Variants in EVC2 observed in about 807,000 individuals in gnomAD.
EVC2 encodes limbin.
Under a neutral mutation model 149.3 loss-of-function variants are expected in EVC2, and 148 were observed. The ratio of observed to expected loss-of-function variants is 0.99; its 90% CI spans 0.87 to 1.14. The LOEUF is 1.14. EVC2 is among the 50% of genes most tolerant of loss of function. The probability of loss-of-function intolerance (pLI) is 0.00; values close to 1 mark genes in which losing one functional copy is unlikely to be tolerated. For missense variants in EVC2, 1,854 were observed against 1,627.3 expected (o/e 1.14, Z -2.40); for synonymous variants, 776 against 649.9 (o/e 1.19, Z -2.95).
At chr4:5,668,121 T>C (rs1009908397) in intron 7 of EVC2, among the ~76,000 whole-genome samples, 22 of 152,210 alleles carry the variant, frequency 1.4e-4, no homozygotes, top group Non-Finnish European at 3.1e-4. Flanking sequence ...TCAAAATGGC[T>C]CCAGACCATG....
chr4:5,672,279 C>T (rs930599760), intron 7 of EVC2, among the ~76,000 whole-genome samples: 1 of 152,172 alleles, frequency 6.6e-6, no homozygotes, highest in East Asian at 1.9e-4. Context: ...GGCCTGAAGC[C>T]GGCAAGAGAA....
intron 9 of EVC2, among the ~76,000 whole-genome samples, chr4:5,648,216 G>A (rs73198189): frequency 0.17 from 25,555 of 152,120 alleles, 2,178 homozygotes; most frequent in Non-Finnish European, 0.18. Flanking sequence ...ATAGATTATT[G>A]TAAATGATAG....
At chr4:5,648,444 G>A (rs774593072) in intron 9 of EVC2, among the ~76,000 whole-genome samples, 2 of 152,180 alleles carry the variant, frequency 1.3e-5, no homozygotes, top group Non-Finnish European at 2.9e-5. Context: ...AAAATGGCAG[G>A]TGCTGTACCA....
chr4:5,622,845 G>T lies in EVC2; in HGVS notation c.2193C>A (p.Ala731=). The T allele has an allele frequency of 6.2e-7, 1 of 1,614,066 alleles. No individual in the cohort carries two copies. Among genetic ancestry groups the T allele is most frequent in the Non-Finnish European group, 8.5e-7 (1 of 1,180,022 alleles). Reference sequence around the variant, plus strand: ...TCAGGGTCCTGAGATCGTCCAGGGCGGCCTGGTCCAGACGCTCCTGCAGCT... The same window carrying T: ...TCAGGGTCCTGAGATCGTCCAGGGCTGCCTGGTCCAGACGCTCCTGCAGCT... The part of the protein sequence containing the change: ...LEELQERLDQ[A]ALDDLRTLTL... The change falls in exon 14 of 22, where the codon GCC becomes GCA. Residue 731 remains alanine (A), a synonymous_variant. Transcript: ENST00000344408. This position sits in a 1 kb window ranked among gnomAD's most constrained non-coding sequence, Gnocchi z 5.8.
intron 9 of EVC2, among the ~76,000 whole-genome samples, chr4:5,660,165 G>A (rs1470963850): frequency 6.6e-5 from 10 of 152,146 alleles, no homozygotes; most frequent in Admixed American, 6.5e-4. Flanking sequence ...ATGGCATCTG[G>A]ATGGCTGCAC....
chr4:5,605,515 G>C (rs1001768578), intron 16 of EVC2, among the ~76,000 whole-genome samples: 11 of 152,222 alleles, frequency 7.2e-5, no homozygotes, highest in African/African-American at 2.7e-4. Context: ...AGATAAGATA[G>C]ATAGATAGAT....
At chr4:5,624,555 GT>G (rs1293294442) in intron 13 of EVC2, among the ~76,000 whole-genome samples, 1 of 152,230 alleles carries the variant, frequency 6.6e-6, no homozygotes, top group East Asian at 1.9e-4. Flanking sequence ...CACTTGTAAT[GT>G]TTATCAAAAG....
At chr4:5,612,206 T>G (rs565016188) in intron 16 of EVC2, among the ~76,000 whole-genome samples, 1 of 152,256 alleles carries the variant, frequency 6.6e-6, no homozygotes, top group African/African-American at 2.4e-5. Flanking sequence ...TTTATTTTAT[T>G]CTTATACAAG....
rs1722754925 is a variant in EVC2, at chr4:5,573,580, G to A, written c.3360+1105C>T. On this transcript the variant is annotated intron_variant, in intron 19 of 21. Coordinates refer to ENST00000344408, the MANE Select transcript of EVC2 (RefSeq NM_147127.5). Reference sequence around the variant, plus strand: ...ATTCTCCCCCTAAAGCTTCCGAAAGGCAGGCAAATCCGCCAACACCTTGAT... The same window carrying A: ...ATTCTCCCCCTAAAGCTTCCGAAAGACAGGCAAATCCGCCAACACCTTGAT... 3.3e-5 allele frequency among the ~76,000 whole-genome samples: 5 copies of A among 152,318 alleles called. No individual in the cohort carries two copies. The South Asian group carries it at 1.0e-3, about 32-fold the overall frequency.
chr4:5,545,051 T>C (rs1278966410), intron 21 of EVC2, among the ~76,000 whole-genome samples: 1 of 152,204 alleles, frequency 6.6e-6, no homozygotes, highest in Non-Finnish European at 1.5e-5. Context: ...AGGTGCAACG[T>C]TCTATTCTTC....
rs767072839 is a variant in EVC2 at position 5,663,228 on chromosome 4, T to A, written c.1024A>T (p.Lys342Ter). The A allele has an allele frequency of 1.2e-5, 20 of 1,614,048 alleles. No homozygotes were observed. Among genetic ancestry groups the A allele is most frequent in the African/African-American group, 4.0e-5 (3 of 74,918 alleles). The change falls in exon 9 of 22, where the codon AAG (lysine) becomes TAG (stop). Residue 342 changes from lysine to a stop codon, truncating the protein, a stop_gained. Coordinates refer to ENST00000344408, the MANE Select transcript of EVC2 (RefSeq NM_147127.5). LOFTEE classifies it high-confidence loss of function. ...TRHRVWQYES[K>*]LEPLPFTSAD... Reference sequence around the variant, plus strand: ...GAGGTGAACGGCAAGGGTTCCAGCTTGCTCTCATACTGCCAAACCTTCAGG... The same window carrying A: ...GAGGTGAACGGCAAGGGTTCCAGCTAGCTCTCATACTGCCAAACCTTCAGG...
chr4:5,650,936 T>C (rs1387193732), intron 9 of EVC2, among the ~76,000 whole-genome samples: 3 of 152,098 alleles, frequency 2.0e-5, no homozygotes, highest in Non-Finnish European at 2.9e-5. Context: ...CTTCTCATTG[T>C]TGTTGCTGCT....
chr4:5,597,365 C>T (rs1158191066), intron 16 of EVC2, among the ~76,000 whole-genome samples: 1 of 152,148 alleles, frequency 6.6e-6, no homozygotes, highest in Non-Finnish European at 1.5e-5. Context: ...AAAGCTTATC[C>T]ACCATGATCA....
chr4:5,706,445 G>GATAGATACATAGATAGATACATAC, intron 1 of EVC2, among the ~76,000 whole-genome samples: 1 of 25,762 alleles, frequency 3.9e-5, no homozygotes, highest in Admixed American at 4.5e-4. Flanking sequence ...TAGATAGATA[G>GATAGATACATAGATAGATACATAC]ATACATACAT....
At chr4:5,695,928 A>G (rs80266103) in intron 2 of EVC2, among the ~76,000 whole-genome samples, 4,612 of 152,276 alleles carry the variant, frequency 0.03, 215 homozygotes, top group African/African-American at 0.1. Flanking sequence ...ATTAAATTAC[A>G]GTATTTTTTT....
At chr4:5,607,500 T>A (rs1690758506) in intron 16 of EVC2, among the ~76,000 whole-genome samples, 1 of 152,188 alleles carries the variant, frequency 6.6e-6, no homozygotes, top group African/African-American at 2.4e-5. Context: ...CAGACATCTG[T>A]AGCTGACTTT....
At chr4:5,549,055 C>T (rs557809473) in intron 21 of EVC2, among the ~76,000 whole-genome samples, 1 of 146,114 alleles carries the variant, frequency 6.8e-6, no homozygotes, top group African/African-American at 2.5e-5. Context: ...TTTAATACTG[C>T]TTCTTTTTTT....
In EVC2 at chr4:5,612,948, A is replaced by AAAAC. The variant is rs1553828350; in HGVS notation, c.2829+2473_2829+2474insGTTT. 4.2e-5 allele frequency among the ~76,000 whole-genome samples: 6 copies of AAAAC among 143,112 alleles called. 1 individual carries two copies. The highest frequency in any genetic ancestry group is 1.8e-4 in the African/African-American group (6 of 34,052). 93.9% of individuals were successfully genotyped at this position (143,112 alleles called of 152,430 possible). A position where few individuals can be genotyped will look rare whatever the true frequency, so the allele number is the denominator to read the frequency against. On this transcript the variant is annotated intron_variant, in intron 16 of 21. Transcript: ENST00000344408. ...AAAAAAAAAAAAAAAAAAAAAAAAAAAGAAATAATTATGAGACAGAGCAGG... is the reference window on the plus strand; with the variant it reads ...AAAAAAAAAAAAAAAAAAAAAAAAAAAAACAGAAATAATTATGAGACAGAGCAGG...
At chr4:5,644,189 C>T (rs1392313022) in intron 9 of EVC2, among the ~76,000 whole-genome samples, 1 of 152,206 alleles carries the variant, frequency 6.6e-6, no homozygotes, top group African/African-American at 2.4e-5. Flanking sequence ...TCTCTATCCT[C>T]TGTATTTCCT....
Sources: gnomAD v4.1 joint callset for allele counts (sites outside exome capture counted in the v4.1 genomes callset) on GRCh38, gnomAD v4.1.1 for gene constraint, Gnocchi (gnomAD v3.1) non-coding constraint, MANE v1.5 for transcripts, NCBI Gene and HGNC (gene_info 2026-07-23, HGNC 2026-07-21) for gene names.